POLR3B: variants seen among roughly 807,000 people sequenced by gnomAD.
POLR3B encodes the protein DNA-directed RNA polymerase III subunit RPC2.
Under a neutral mutation model 147.4 loss-of-function variants are expected in POLR3B, and 96 were observed. That is an observed-to-expected ratio of 0.65 (90% CI 0.55 to 0.77). The LOEUF (loss-of-function observed/expected upper bound fraction) is 0.77, where lower values mean the gene tolerates loss of function less well. POLR3B is among the 30% of genes least tolerant of loss of function. The pLI, the probability that POLR3B is intolerant of heterozygous loss-of-function variation, is 0.00. For synonymous variants in POLR3B, 461 were observed against 485.9 expected, an observed-to-expected ratio of 0.95 and a Z score of 0.67; for missense variants, 1,036 against 1,413.5, an observed-to-expected ratio of 0.73 and a Z score of 4.28.
chr12:106,497,066 G>T, intron 25 of POLR3B, 148 bp downstream of exon 25: 1 of 726,356 alleles, frequency 1.4e-6, no homozygotes, highest in Non-Finnish European at 2.4e-6. Context: ...GGCTTCGAAT[G>T]CGGTCTGACA....
intron 23 of POLR3B, among the ~76,000 whole-genome samples, chr12:106,471,810 G>C (rs1269369114): frequency 6.6e-6 from 1 of 152,016 alleles, no homozygotes; most frequent in Non-Finnish European, 1.5e-5. Flanking sequence ...ATTTTATTCA[G>C]GTTTTAATCT....
chr12:106,461,401 T>A (rs1408997874), intron 22 of POLR3B, among the ~76,000 whole-genome samples: 2 of 152,024 alleles, frequency 1.3e-5, no homozygotes, highest in African/African-American at 2.4e-5. Context: ...AAAAAATACT[T>A]TTTGAGCACT....
At chr12:106,455,335 G>A (rs867868535) in intron 20 of POLR3B, among the ~76,000 whole-genome samples, 8 of 152,094 alleles carry the variant, frequency 5.3e-5, no homozygotes, top group Middle Eastern at 6.8e-3. Flanking sequence ...CCTTCCTGGC[G>A]TACCCACTAT....
intron 12 of POLR3B, among the ~76,000 whole-genome samples, chr12:106,418,011 T>C (rs2037329418): frequency 6.6e-6 from 1 of 152,154 alleles, no homozygotes; most frequent in Non-Finnish European, 1.5e-5. Context: ...GTAAAAACAA[T>C]AGCTGCTAAT....
At chr12:106,424,792 G>C (rs7308541) in intron 12 of POLR3B, among the ~76,000 whole-genome samples, 49,788 of 151,952 alleles carry the variant, frequency 0.33, 11,124 homozygotes, top group African/African-American at 0.64. Flanking sequence ...ATAAAAGCCT[G>C]CAAGCTTTTT....
At chr12:106,424,590 A>G (rs887794189) in intron 12 of POLR3B, among the ~76,000 whole-genome samples, 1 of 152,104 alleles carries the variant, frequency 6.6e-6, no homozygotes, top group East Asian at 1.9e-4. Context: ...CATAATTTCC[A>G]TGGGAAAGGT....
Position 106,504,326 on chromosome 12 carries a change from G to A in POLR3B, c.3272+72G>A, listed in dbSNP as rs577294040. ...AATCACAGCTCAAGAATTGACCCTG[G>A]ATCCTATCCGCATATTCTCCAGCCT... is the stretch of plus-strand genomic sequence containing the variant. On this transcript the variant is annotated intron_variant, in intron 27 of 27. Transcript: ENST00000228347. The surrounding 1 kb of genome is among the most constrained non-coding windows in gnomAD (Gnocchi z 4.6). 172 of 1,225,108 alleles carry A rather than the reference G, an allele frequency of 1.4e-4. No homozygotes were observed. The African/African-American group carries it at 2.3e-3, about 16-fold the overall frequency. 75.9% of individuals were successfully genotyped at this position (1,225,108 alleles called of 1,614,324 possible). A position where few individuals can be genotyped will look rare whatever the true frequency, so the allele number is the denominator to read the frequency against.
Position 106,437,119 on chromosome 12 carries a change from CCCAAGGGTACAGGTAAGTAG to C in POLR3B, c.1849_1856+12del. On this transcript the variant is annotated splice_donor_variant and splice_donor_5th_base_variant and coding_sequence_variant and intron_variant, in exon 17 of 28. Coordinates refer to ENST00000228347, the MANE Select transcript of POLR3B (RefSeq NM_018082.6). LOFTEE classifies it high-confidence loss of function. ...ACAAATAAACATATGGAAGAGCTGG[CCCAAGGGTACAGGTAAGTAG>C]CCAAAAGTAAAACTTACCAATCTCC... 1 of 1,612,164 alleles carries C rather than the reference CCCAAGGGTACAGGTAAGTAG, an allele frequency of 6.2e-7. No homozygotes were observed. The highest frequency in any genetic ancestry group is 8.5e-7 in the Non-Finnish European group (1 of 1,178,772).
intron 12 of POLR3B, among the ~76,000 whole-genome samples, chr12:106,413,226 C>T (rs1433497393): frequency 1.3e-5 from 2 of 151,964 alleles, no homozygotes; most frequent in African/African-American, 4.8e-5. Flanking sequence ...GTCTTGATTT[C>T]CCCAATGTTT....
Position 106,363,880 on chromosome 12 carries a change from G to A in POLR3B, c.83G>A (p.Arg28Lys). 3.1e-6 allele frequency: 5 copies of A among 1,608,594 alleles called. No individual in the cohort carries two copies. Among genetic ancestry groups the A allele is most frequent in the Non-Finnish European group, 4.3e-6 (5 of 1,175,532 alleles). The change falls in exon 2 of 28, where the codon AGG becomes AAG. Residue 28 changes from arginine (R) to lysine (K), a missense_variant. Coordinates refer to ENST00000228347, the MANE Select transcript of POLR3B (RefSeq NM_018082.6). ...APIPTVEEKW[R>K]LLPAFLKVKG... ...TGTTTTGGCTCACAGGAAAAATGGA[G>A]GCTGCTTCCAGCATTTTTAAAGGTA... is the stretch of plus-strand genomic sequence containing the variant.
chr12:106,361,298 GA>G (rs1400080034), intron 1 of POLR3B, among the ~76,000 whole-genome samples: 5 of 152,226 alleles, frequency 3.3e-5, no homozygotes, highest in Non-Finnish European at 5.9e-5. Context: ...CGACTCAGTA[GA>G]ATTTTTGTTT....
intron 24 of POLR3B, 195 bp downstream of exon 24, chr12:106,496,353 G>A (rs2038485605): frequency 7.4e-6 from 5 of 679,776 alleles, no homozygotes; most frequent in Admixed American, 2.1e-5. Flanking sequence ...AGAATGAGGA[G>A]CACATCTATA....
At chr12:106,482,303 C>T (rs2038278763) in intron 23 of POLR3B, among the ~76,000 whole-genome samples, 2 of 152,120 alleles carry the variant, frequency 1.3e-5, no homozygotes, top group South Asian at 4.1e-4. Context: ...ACCTTGTTGG[C>T]TAACTTAGTG....
At chr12:106,450,308 A>G (rs1021621090) in intron 19 of POLR3B, among the ~76,000 whole-genome samples, 3 of 152,226 alleles carry the variant, frequency 2.0e-5, no homozygotes, top group African/African-American at 7.2e-5. Context: ...AAACCTTCAT[A>G]GCTTGAGTTG....
intron 6 of POLR3B, among the ~76,000 whole-genome samples, chr12:106,370,623 G>GTTTTTTTTTTTTTTTTTT (rs2036591764): frequency 1.4e-5 from 2 of 140,372 alleles, no homozygotes; most frequent in African/African-American, 5.3e-5. Context: ...TGTTTTTTTT[G>GTTTTTTTTTTTTTTTTTT]TTTTATTGTT....
In POLR3B at chr12:106,444,580, A is replaced by G. The variant is rs1440684050; in HGVS notation, c.2073A>G (p.Lys691=). 1.9e-6 allele frequency: 3 copies of G among 1,613,696 alleles called. No individual in the cohort carries two copies. The highest frequency in any genetic ancestry group is 3.3e-5 in the Admixed American group (2 of 59,978). ...ACACTTATCAGTGTGCCATGGGGAAACAAGCCATGGGTAAGATTTCCTTCT... is the reference window on the plus strand; with the variant it reads ...ACACTTATCAGTGTGCCATGGGGAAGCAAGCCATGGGTAAGATTTCCTTCT... ...PRNTYQCAMG[K]QAMGTIGYNQ... The change falls in exon 19 of 28, where the codon AAA becomes AAG. Residue 691 remains lysine, a synonymous_variant. Transcript: ENST00000228347.
At chr12:106,389,150 G>A (rs1278660791) in intron 9 of POLR3B, among the ~76,000 whole-genome samples, 5 of 152,128 alleles carry the variant, frequency 3.3e-5, no homozygotes, top group African/African-American at 4.8e-5. Flanking sequence ...TTTTGCTGTC[G>A]TTTCCATAGC....
chr12:106,455,713 G>C (rs1380857555), intron 20 of POLR3B, among the ~76,000 whole-genome samples: 15 of 152,168 alleles, frequency 9.9e-5, no homozygotes, highest in Admixed American at 8.5e-4. Flanking sequence ...AATGGCTACT[G>C]TATGAAATTT....
intron 23 of POLR3B, among the ~76,000 whole-genome samples, chr12:106,483,578 A>G (rs1041133704): frequency 1.3e-5 from 2 of 152,242 alleles, no homozygotes; most frequent in Non-Finnish European, 2.9e-5. Context: ...TTAGAGTTTG[A>G]AAAGTCCTTT....
Sources: allele counts gnomAD v4.1 joint callset (sites outside exome capture counted in the v4.1 genomes callset), GRCh38; gene constraint gnomAD v4.1.1; non-coding constraint Gnocchi (gnomAD v3.1); transcripts MANE v1.5; gene names NCBI Gene and HGNC (gene_info 2026-07-23, HGNC 2026-07-21).